The following NFU1 variants were observed in gnomAD, a reference collection of about 807,000 sequenced individuals.
The protein encoded by NFU1 is NFU1 iron-sulfur cluster scaffold homolog, mitochondrial.
NFU1 carries 30 observed loss-of-function variants against 32.2 expected under a neutral mutation model. The observed-to-expected ratio is 0.93, with a 90% confidence interval of 0.70 to 1.26. NFU1 has a LOEUF of 1.26. NFU1 is among the 50% of genes most tolerant of loss of function. NFU1 has a pLI of 0.00. For missense variants in NFU1, 306 were observed against 306.6 expected (o/e 1.00, Z 0.02); for synonymous variants, 112 against 104.6 (o/e 1.07, Z -0.43).
upstream of NFU1, among the ~76,000 whole-genome samples, chr2:69,439,313 G>T (rs181722600): frequency 6.6e-6 from 1 of 152,158 alleles, no homozygotes; most frequent in Non-Finnish European, 1.5e-5. Context: ...ATGGACCCTT[G>T]TGGTGAGTGT....
intron 2 of NFU1, among the ~76,000 whole-genome samples, chr2:69,427,532 C>G (rs1019579163): frequency 6.7e-6 from 1 of 150,008 alleles, no homozygotes; most frequent in Admixed American, 6.6e-5. Flanking sequence ...ACACAAACGT[C>G]AGCCAGGCGT....
At chr2:69,429,685 ACAT>A (rs1673575504) in intron 2 of NFU1, among the ~76,000 whole-genome samples, 1 of 152,202 alleles carries the variant, frequency 6.6e-6, no homozygotes, top group South Asian at 2.1e-4. Context: ...AAAATGAATG[ACAT>A]CATCACAGAA....
At chr2:69,429,430 A>C (rs1472549444) in intron 2 of NFU1, among the ~76,000 whole-genome samples, 1 of 152,066 alleles carries the variant, frequency 6.6e-6, no homozygotes, top group Non-Finnish European at 1.5e-5. Context: ...CTGTGGTGGC[A>C]TGTGCCTATA....
intron 5 of NFU1, 130 bp downstream of exon 5, chr2:69,415,055 A>C: frequency 1.6e-6 from 1 of 640,754 alleles, no homozygotes; most frequent in Admixed American, 3.0e-5. Context: ...TGATATATAA[A>C]TTTGCAGAGC....
chr2:69,434,465 G>A (rs567840596), intron 1 of NFU1, among the ~76,000 whole-genome samples: 2 of 152,098 alleles, frequency 1.3e-5, no homozygotes, highest in African/African-American at 2.4e-5. Flanking sequence ...CACTCTTACA[G>A]AGAAAACTTA....
At chr2:69,430,842 G>A (rs1414103510) in intron 2 of NFU1, among the ~76,000 whole-genome samples, 4 of 152,178 alleles carry the variant, frequency 2.6e-5, no homozygotes, top group East Asian at 3.8e-4. Flanking sequence ...TTTAACTCAC[G>A]CCCTTAGCCA....
chr2:69,406,885 G>C (rs1160131623), intron 5 of NFU1, among the ~76,000 whole-genome samples: 1 of 152,096 alleles, frequency 6.6e-6, no homozygotes, highest in African/African-American at 2.4e-5. Flanking sequence ...GAATCATGGG[G>C]GTAGTTACCC....
rs1206637644 is a variant in NFU1 at position 69,423,687 on chromosome 2, G to T, written c.197C>A (p.Thr66Asn). 1.9e-6 allele frequency: 3 copies of T among 1,605,714 alleles called. No individual in the cohort carries two copies. The highest frequency in any genetic ancestry group is 2.6e-6 in the Non-Finnish European group (3 of 1,172,618). Residue 66 changes from threonine (T) to asparagine (N), a missense_variant, in exon 3 of 8, where the codon ACC becomes AAC. Thr to Asn is a moderately conservative substitution (Grantham distance 65, BLOSUM62 0). Transcript: ENST00000410022. ...VRYMFIQTQD[T>N]PNPNSLKFIP... ...AAACTTTAAGCTGTTTGGATTTGGG[G>T]TATCTTGTGTTTGAATAAACATGTA...
At chr2:69,437,965 A>G (rs1673915527), upstream of NFU1, among the ~76,000 whole-genome samples, 1 of 152,112 alleles carries the variant, frequency 6.6e-6, no homozygotes. Flanking sequence ...ACCAACCCGC[A>G]CAGAGGATGT....
At chr2:69,414,071 T>C (rs184594504) in intron 5 of NFU1, among the ~76,000 whole-genome samples, 8 of 151,864 alleles carry the variant, frequency 5.3e-5, no homozygotes, top group Admixed American at 2.0e-4. Context: ...TAAAAATAAA[T>C]AAACAAATAA....
intron 1 of NFU1, among the ~76,000 whole-genome samples, chr2:69,432,692 T>G (rs891619848): frequency 5.9e-5 from 9 of 152,238 alleles, no homozygotes; most frequent in Non-Finnish European, 7.4e-5. Flanking sequence ...TTTTAAAAAA[T>G]TTAGAATTAG....
At chr2:69,436,187 T>C (rs1248308196) in intron 1 of NFU1, among the ~76,000 whole-genome samples, 2 of 152,202 alleles carry the variant, frequency 1.3e-5, no homozygotes, top group Non-Finnish European at 2.9e-5. Context: ...CAGTTCTTCA[T>C]CTCTACAATG....
intron 4 of NFU1, among the ~76,000 whole-genome samples, chr2:69,416,748 A>C (rs942613188): frequency 9.9e-5 from 15 of 152,078 alleles, no homozygotes; most frequent in Non-Finnish European, 4.4e-5. Flanking sequence ...ATAATACAAA[A>C]ATTAGCCGGC....
chr2:69,414,570 A>G (rs1270285227), intron 5 of NFU1, among the ~76,000 whole-genome samples: 7 of 149,278 alleles, frequency 4.7e-5, no homozygotes, highest in Admixed American at 3.4e-4. Flanking sequence ...GTGAGCCAAC[A>G]TTGCGTCACT....
At chr2:69,433,257 C>A (rs937075868) in intron 1 of NFU1, among the ~76,000 whole-genome samples, 1 of 151,862 alleles carries the variant, frequency 6.6e-6, no homozygotes, top group Non-Finnish European at 1.5e-5. Flanking sequence ...CGGCTCACTG[C>A]AACCTCCATC....
intron 6 of NFU1, among the ~76,000 whole-genome samples, chr2:69,405,469 TC>T (rs750270234): frequency 4.6e-5 from 7 of 152,210 alleles, no homozygotes; most frequent in Non-Finnish European, 8.8e-5. Flanking sequence ...AAGGGAAAAC[TC>T]AGTGAGCTTC....
chr2:69,423,720 A>G lies in NFU1; in HGVS notation c.167-3T>C. On this transcript the variant is annotated splice_region_variant and splice_polypyrimidine_tract_variant and intron_variant, in intron 2 of 7. Coordinates refer to ENST00000410022, the MANE Select transcript of NFU1 (RefSeq NM_001002755.4). ...TGTTTGAATAAACATGTATCTCACT[A>G]AAAAAGAAAAAGAAGAAAATGTTAT... 1 of 1,585,152 alleles carries G rather than the reference A, an allele frequency of 6.3e-7. No homozygotes were observed. Among genetic ancestry groups the G allele is most frequent in the African/African-American group, 1.3e-5 (1 of 74,416 alleles).
chr2:69,411,656 G>A (rs1049870809), intron 5 of NFU1, among the ~76,000 whole-genome samples: 6 of 152,078 alleles, frequency 3.9e-5, no homozygotes, highest in African/African-American at 1.4e-4. Flanking sequence ...GTGGTGGCGT[G>A]AACATGGCTC....
At chr2:69,413,749 ACT>A (rs112442909) in intron 5 of NFU1, among the ~76,000 whole-genome samples, 19,672 of 151,570 alleles carry the variant, frequency 0.13, 1,366 homozygotes, top group Non-Finnish European at 0.16. Context: ...ACAGAGCAAG[ACT>A]CTGTCTCAAA....
Sources: gnomAD v4.1 joint callset for allele counts (sites outside exome capture counted in the v4.1 genomes callset) on GRCh38, gnomAD v4.1.1 for gene constraint, MANE v1.5 for transcripts, NCBI Gene and HGNC (gene_info 2026-07-23, HGNC 2026-07-21) for gene names.